The following NPHP4 variants were observed in gnomAD, a reference collection of about 807,000 sequenced individuals.
The protein encoded by NPHP4 is nephrocystin 4.
NPHP4 carries 151 observed loss-of-function variants against 155.8 expected under a neutral mutation model. The observed-to-expected ratio is 0.97, with a 90% CI of 0.85 to 1.11. The LOEUF is 1.11. NPHP4 is among the 50% of genes least tolerant of loss of function. The probability of loss-of-function intolerance (pLI) is 0.00; values close to 1 mark genes in which losing one functional copy is unlikely to be tolerated. For missense variants in NPHP4, 1,956 were observed against 1,925.7 expected, an observed-to-expected ratio of 1.02 and a Z score of -0.29; for synonymous variants, 845 against 816.8, an observed-to-expected ratio of 1.03 and a Z score of -0.59.
chr1:5,872,660 C>T (rs951989298), intron 23 of NPHP4, among the ~76,000 whole-genome samples: 2 of 152,190 alleles, frequency 1.3e-5, no homozygotes, highest in East Asian at 1.9e-4. Context: ...GAATTCTGTC[C>T]TCCAGGCAAT....
At chr1:5,989,910 G>A (rs11576171) in intron 1 of NPHP4, among the ~76,000 whole-genome samples, 18,069 of 152,262 alleles carry the variant, frequency 0.12, 1,394 homozygotes, top group Non-Finnish European at 0.17. Context: ...GACACTAGGC[G>A]GAAGGGCATC....
intron 18 of NPHP4, among the ~76,000 whole-genome samples, chr1:5,883,384 G>A (rs1643485017): frequency 6.6e-6 from 1 of 152,008 alleles, no homozygotes; most frequent in Admixed American, 6.5e-5. Context: ...TCCGGGCCAC[G>A]CTGCCCTCCA....
At position 5,905,227 on chromosome 1, in the gene NPHP4, C is replaced by G; in HGVS notation, c.1955+65G>C. On this transcript the variant is annotated intron_variant, in intron 15 of 29. Coordinates refer to ENST00000378156, the MANE Select transcript of NPHP4 (RefSeq NM_015102.5). This position sits in a 1 kb window ranked among gnomAD's most constrained non-coding sequence, Gnocchi z 4.0. ...CAGTTCTGCCAGGTCAGAACCTCAGCGAAGTTTCTCTTCAACACAGGAAAT... is the reference window on the plus strand; with the variant it reads ...CAGTTCTGCCAGGTCAGAACCTCAGGGAAGTTTCTCTTCAACACAGGAAAT... 2.2e-6 allele frequency: 3 copies of G among 1,334,796 alleles called. No homozygotes were observed. The highest frequency in any genetic ancestry group is 2.3e-5 in the South Asian group (2 of 85,180). 82.7% of individuals were successfully genotyped at this position (1,334,796 alleles called of 1,614,324 possible).
intron 6 of NPHP4, among the ~76,000 whole-genome samples, chr1:5,956,068 G>GGC (rs1649170250): frequency 7.1e-6 from 1 of 141,692 alleles, no homozygotes; most frequent in Non-Finnish European, 1.5e-5. Flanking sequence ...CTGGGGGGGG[G>GGC]GGGTGCAGGG....
At chr1:5,990,465 G>A (rs1309451820) in intron 1 of NPHP4, among the ~76,000 whole-genome samples, 1 of 151,690 alleles carries the variant, frequency 6.6e-6, no homozygotes, top group Non-Finnish European at 1.5e-5. Context: ...AAAAGAAGAA[G>A]AAGAAAATAC....
chr1:5,927,586 C>CG, intron 11 of NPHP4, 63 bp downstream of exon 11: 1 of 1,525,824 alleles, frequency 6.6e-7, no homozygotes, highest in South Asian at 1.2e-5. Context: ...TACCTTTCCC[C>CG]GGGAAGAGAT....
rs1396287564 is a variant in NPHP4, at chr1:5,932,779, G to A, written c.1302+368C>T. 3.3e-5 allele frequency among the ~76,000 whole-genome samples: 5 copies of A among 151,930 alleles called. No homozygotes were observed. The South Asian group carries it at 6.2e-4, about 19-fold the overall frequency. On this transcript the variant is annotated intron_variant, in intron 10 of 29. Coordinates refer to ENST00000378156, the MANE Select transcript of NPHP4 (RefSeq NM_015102.5). ...TAAGCCAGGGCTAGAAACCAGAACCGGCTCCCACCTCAGCACTCATCCACC... is the reference window on the plus strand; with the variant it reads ...TAAGCCAGGGCTAGAAACCAGAACCAGCTCCCACCTCAGCACTCATCCACC...
chr1:5,878,926 A>G (rs1642901396), intron 19 of NPHP4, among the ~76,000 whole-genome samples: 1 of 152,244 alleles, frequency 6.6e-6, no homozygotes, highest in African/African-American at 2.4e-5. Context: ...TTCTAAGCCA[A>G]GTTCACCCCT....
intron 1 of NPHP4, among the ~76,000 whole-genome samples, chr1:5,989,733 C>T (rs1655965271): frequency 6.6e-6 from 1 of 152,230 alleles, no homozygotes; most frequent in Admixed American, 6.5e-5. Context: ...GCCCATGCTC[C>T]TCACCTGCCC....
rs1400602210 is a variant in NPHP4, at chr1:5,964,937, A to ATTTTTTTTTTTTT, written c.517+2361_517+2362insAAAAAAAAAAAAA. Among the ~76,000 whole-genome samples, 100 of 54,900 alleles carry ATTTTTTTTTTTTT rather than the reference A, an allele frequency of 1.8e-3. 1 individual carries two copies. The highest frequency in any genetic ancestry group is 5.2e-3 in the African/African-American group (56 of 10,764). The allele number at this position is 54,900 out of a possible 152,430, so 36.0% of individuals were successfully genotyped here. On this transcript the variant is annotated intron_variant, in intron 5 of 29. Coordinates refer to ENST00000378156, the MANE Select transcript of NPHP4 (RefSeq NM_015102.5). ...ATATATTATATATATATATATATAT[A>ATTTTTTTTTTTTT]TATATTTTTTTTTTTTGAGGCAGGG...
At chr1:5,873,486 A>T (rs1642225734) in intron 22 of NPHP4, 151 bp from the exon 23 acceptor site, 1 of 672,380 alleles carries the variant, frequency 1.5e-6, no homozygotes. Flanking sequence ...AACCGGCCTC[A>T]CTGTGCCAGA....
intron 27 of NPHP4, 122 bp downstream of exon 27, chr1:5,864,980 G>T (rs11121682): frequency 3.2e-6 from 3 of 939,738 alleles, no homozygotes; most frequent in Admixed American, 2.1e-5. Flanking sequence ...CAGCGTCTGC[G>T]CGCTGGAGGC....
At chr1:5,916,362 GT>G (rs1367484991) in intron 11 of NPHP4, among the ~76,000 whole-genome samples, 1 of 152,146 alleles carries the variant, frequency 6.6e-6, no homozygotes, top group Non-Finnish European at 1.5e-5. Flanking sequence ...AGTATGAAAA[GT>G]TTCCATCATA....
intron 19 of NPHP4, 134 bp downstream of exon 19, chr1:5,879,980 G>T: frequency 9.4e-7 from 1 of 1,058,594 alleles, no homozygotes; most frequent in Non-Finnish European, 1.4e-6. Context: ...ACGCAGAGGG[G>T]CACTGACAGC....
chr1:5,865,607 G>C (rs61002800), intron 26 of NPHP4: 2,615 of 246,790 alleles, frequency 0.011, 26 homozygotes, highest in Middle Eastern at 0.056. Context: ...CTGGACAAGT[G>C]TCCACCCCCA....
chr1:5,988,761 C>T (rs1655837682), intron 1 of NPHP4, among the ~76,000 whole-genome samples: 1 of 151,580 alleles, frequency 6.6e-6, no homozygotes. Context: ...CCCAGGGTCC[C>T]GCCTCCACCC....
At chr1:5,942,693 G>C (rs771930061) in intron 9 of NPHP4, among the ~76,000 whole-genome samples, 2 of 151,764 alleles carry the variant, frequency 1.3e-5, no homozygotes, top group Non-Finnish European at 2.9e-5. Flanking sequence ...GGTACTGGAG[G>C]AAAGGCCATC....
chr1:5,935,136 C>T (rs2101772249), intron 9 of NPHP4, among the ~76,000 whole-genome samples: 1 of 152,350 alleles, frequency 6.6e-6, no homozygotes, highest in South Asian at 2.1e-4. Flanking sequence ...TCCAAGTTAG[C>T]CTCTTCCAGA....
chr1:5,979,651 T>C (rs1654322021), intron 2 of NPHP4, among the ~76,000 whole-genome samples: 1 of 152,062 alleles, frequency 6.6e-6, no homozygotes, highest in Non-Finnish European at 1.5e-5. Flanking sequence ...TCCTGTCAAG[T>C]AGCTGGGACC....
Sources: allele counts gnomAD v4.1 joint callset (sites outside exome capture counted in the v4.1 genomes callset), GRCh38; gene constraint gnomAD v4.1.1; non-coding constraint Gnocchi (gnomAD v3.1); transcripts MANE v1.5; gene names NCBI Gene and HGNC (gene_info 2026-07-23, HGNC 2026-07-21).